LUZP2: variants seen among roughly 807,000 people sequenced by gnomAD.
The protein encoded by LUZP2 is leucine zipper protein 2.
Under a neutral mutation model 51.6 loss-of-function variants are expected in LUZP2, and 52 were observed. That is an observed-to-expected ratio of 1.01 (90% CI 0.81 to 1.27). The LOEUF (loss-of-function observed/expected upper bound fraction) is 1.27, where lower values mean the gene tolerates loss of function less well. LUZP2 is among the 50% of genes most tolerant of loss of function. The pLI is 0.00. For synonymous variants in LUZP2, 154 were observed against 137.3 expected (o/e 1.12, Z -0.85); for missense variants, 436 against 395.4 (o/e 1.10, Z -0.87).
chr11:24,646,979 G>A (rs1590289717), intron 1 of LUZP2, among the ~76,000 whole-genome samples: 1 of 152,032 alleles, frequency 6.6e-6, no homozygotes, highest in African/African-American at 2.4e-5. Flanking sequence ...TCATTACTTG[G>A]AGACCTTGAA....
At position 25,010,679 on chromosome 11, in the gene LUZP2, T is replaced by G. The variant is rs867179771; in HGVS notation, c.765+27386T>G. Among the ~76,000 whole-genome samples the G allele has an allele frequency of 1.1e-4, 13 of 122,266 alleles. No individual in the cohort carries two copies. In the Middle Eastern group the frequency reaches 0.017, roughly 157 times the overall value. 80.2% of individuals were successfully genotyped at this position (122,266 alleles called of 152,430 possible). On this transcript the variant is annotated intron_variant, in intron 9 of 11. Transcript: ENST00000336930. ...GCTTTGCCAACATGGTGAAACCCCA[T>G]CTCTACAAAATACAAAAATTAGCCA...
At chr11:25,055,655 A>G (rs749212411) in intron 10 of LUZP2, among the ~76,000 whole-genome samples, 7 of 152,266 alleles carry the variant, frequency 4.6e-5, no homozygotes, top group Admixed American at 1.3e-4. Context: ...AATTTCGCTT[A>G]TCAGTCTAGA....
At chr11:24,756,295 C>T (rs1320694894) in intron 4 of LUZP2, among the ~76,000 whole-genome samples, 1 of 152,242 alleles carries the variant, frequency 6.6e-6, no homozygotes, top group Non-Finnish European at 1.5e-5. Flanking sequence ...CCACCTTACA[C>T]ACATGTTCTC....
At chr11:24,704,761 C>T (rs1857525094) in intron 1 of LUZP2, among the ~76,000 whole-genome samples, 1 of 152,068 alleles carries the variant, frequency 6.6e-6, no homozygotes, top group Non-Finnish European at 1.5e-5. Flanking sequence ...AATAGAGAGA[C>T]ATAAGGATCA....
chr11:25,074,247 T>C (rs1486852508), intron 10 of LUZP2, among the ~76,000 whole-genome samples: 1 of 152,156 alleles, frequency 6.6e-6, no homozygotes, highest in African/African-American at 2.4e-5. Flanking sequence ...GCTATAAGTT[T>C]AGTAAAAGGC....
chr11:24,796,850 T>C (rs1849562254), intron 5 of LUZP2, among the ~76,000 whole-genome samples: 1 of 152,040 alleles, frequency 6.6e-6, no homozygotes, highest in Non-Finnish European at 1.5e-5. Flanking sequence ...ACAGATAAAA[T>C]AAATCCTCCT....
At chr11:25,018,055 T>TTG (rs1554955753) in intron 9 of LUZP2, among the ~76,000 whole-genome samples, 57 of 140,032 alleles carry the variant, frequency 4.1e-4, no homozygotes, top group East Asian at 9.9e-4. Flanking sequence ...TTTGTTTTTT[T>TTG]TTTTGCAGCT....
chr11:24,869,898 G>A (rs1486719), intron 5 of LUZP2, among the ~76,000 whole-genome samples: 9 of 151,934 alleles, frequency 5.9e-5, no homozygotes, highest in African/African-American at 1.7e-4. Flanking sequence ...GGAAAATGAA[G>A]ACAAAAGCTG....
chr11:25,050,439 G>C (rs1858467396), intron 10 of LUZP2, among the ~76,000 whole-genome samples: 1 of 151,284 alleles, frequency 6.6e-6, no homozygotes, highest in East Asian at 1.9e-4. Context: ...CGAGTAGCTG[G>C]GACTACAGGC....
chr11:24,916,126 C>A (rs1022256439), intron 7 of LUZP2, among the ~76,000 whole-genome samples: 4 of 151,730 alleles, frequency 2.6e-5, no homozygotes, highest in African/African-American at 9.7e-5. Flanking sequence ...ATTAAGTGCC[C>A]TTATTAATGC....
intron 7 of LUZP2, among the ~76,000 whole-genome samples, chr11:24,944,671 G>T (rs1189732023): frequency 1.3e-5 from 2 of 152,154 alleles, no homozygotes; most frequent in Middle Eastern, 3.2e-3. Flanking sequence ...CAGTTGCAAG[G>T]ATTGGGGAAG....
intron 5 of LUZP2, among the ~76,000 whole-genome samples, chr11:24,894,884 A>G (rs1015337654): frequency 6.6e-6 from 1 of 152,186 alleles, no homozygotes; most frequent in African/African-American, 2.4e-5. Flanking sequence ...TTTCAGAAGC[A>G]AACAGTCACT....
At chr11:24,513,322 T>G (rs1292837585) in intron 1 of LUZP2, among the ~76,000 whole-genome samples, 1 of 152,192 alleles carries the variant, frequency 6.6e-6, no homozygotes, top group Admixed American at 6.5e-5. Context: ...AACATCTATA[T>G]TTGAAAGAAA....
intron 6 of LUZP2, among the ~76,000 whole-genome samples, chr11:24,906,300 G>A (rs1401510811): frequency 6.8e-6 from 1 of 148,032 alleles, no homozygotes; most frequent in South Asian, 2.1e-4. Context: ...TTTTTTTCTG[G>A]ATTTCTTCCT....
At chr11:24,652,141 T>C (rs1855647408) in intron 1 of LUZP2, among the ~76,000 whole-genome samples, 1 of 151,952 alleles carries the variant, frequency 6.6e-6, no homozygotes, top group African/African-American at 2.4e-5. Flanking sequence ...TATGTGTATC[T>C]CCTGTTGGTT....
intron 1 of LUZP2, among the ~76,000 whole-genome samples, chr11:24,686,624 C>T (rs941831286): frequency 6.6e-6 from 1 of 152,162 alleles, no homozygotes; most frequent in Non-Finnish European, 1.5e-5. Context: ...AATAGCTTCA[C>T]ATCTGTTATT....
chr11:25,003,231 A>T (rs1369061377), intron 9 of LUZP2, among the ~76,000 whole-genome samples: 3 of 152,188 alleles, frequency 2.0e-5, no homozygotes, highest in Admixed American at 6.5e-5. Flanking sequence ...CCTGGACTTG[A>T]GAAGAGACCT....
At chr11:24,578,628 G>C (rs192517707) in intron 1 of LUZP2, among the ~76,000 whole-genome samples, 4 of 151,764 alleles carry the variant, frequency 2.6e-5, no homozygotes, top group African/African-American at 7.2e-5. Flanking sequence ...GTTTTCCTTT[G>C]CAGCAACATG....
At chr11:24,497,899 G>C (rs1036183537) in intron 1 of LUZP2, among the ~76,000 whole-genome samples, 8 of 152,178 alleles carry the variant, frequency 5.3e-5, no homozygotes, top group Non-Finnish European at 8.8e-5. Flanking sequence ...AGCACAGAAG[G>C]CGATTAAAAG....
Sources: allele counts gnomAD v4.1 joint callset (sites outside exome capture counted in the v4.1 genomes callset), GRCh38; gene constraint gnomAD v4.1.1; transcripts MANE v1.5; gene names NCBI Gene and HGNC (gene_info 2026-07-23, HGNC 2026-07-21).